ZCCHC7: variants seen among roughly 807,000 people sequenced by gnomAD.
ZCCHC7 encodes zinc finger CCHC-type containing 7, also known as zinc finger CCHC domain-containing protein 7.
Under a neutral mutation model 52.0 loss-of-function variants are expected in ZCCHC7, and 35 were observed. That is an observed-to-expected ratio of 0.67 (90% CI 0.51 to 0.89). The LOEUF (loss-of-function observed/expected upper bound fraction) is 0.89, where lower values mean the gene tolerates loss of function less well. Ranked by LOEUF, ZCCHC7 falls within the 40% of genes least tolerant of loss-of-function variation. ZCCHC7 has a pLI of 0.00. For missense variants in ZCCHC7, 574 were observed against 649.1 expected (o/e 0.88, Z 1.26); for synonymous variants, 217 against 221.5 (o/e 0.98, Z 0.18).
At chr9:37,311,425 T>G (rs903417912) in intron 5 of ZCCHC7, among the ~76,000 whole-genome samples, 12 of 152,202 alleles carry the variant, frequency 7.9e-5, no homozygotes, top group African/African-American at 2.7e-4. Context: ...TTTATTTTTA[T>G]TTTTATCTTT....
At chr9:37,136,349 A>G (rs539476942) in intron 2 of ZCCHC7, among the ~76,000 whole-genome samples, 1 of 152,344 alleles carries the variant, frequency 6.6e-6, no homozygotes, top group South Asian at 2.1e-4. Flanking sequence ...TAGTTACACG[A>G]TAGGTTCATG....
chr9:37,133,385 T>G (rs944944414), intron 2 of ZCCHC7, among the ~76,000 whole-genome samples: 2 of 146,280 alleles, frequency 1.4e-5, no homozygotes, highest in African/African-American at 5.1e-5. Flanking sequence ...TCTTTTTTTT[T>G]TTTTTTTGAG....
chr9:37,243,205 G>A (rs1257140342), intron 2 of ZCCHC7, among the ~76,000 whole-genome samples: 1 of 151,756 alleles, frequency 6.6e-6, no homozygotes, highest in Non-Finnish European at 1.5e-5. Context: ...CGATGGATAA[G>A]CCATTTGAAA....
intron 8 of ZCCHC7, among the ~76,000 whole-genome samples, chr9:37,355,529 T>TGAGGAA (rs1821644128): frequency 6.6e-6 from 1 of 152,214 alleles, no homozygotes; most frequent in African/African-American, 2.4e-5. Context: ...ATGAAGGTAC[T>TGAGGAA]AATTCTGAGG....
intron 5 of ZCCHC7, among the ~76,000 whole-genome samples, chr9:37,313,046 G>C (rs1442779938): frequency 2.6e-5 from 4 of 152,210 alleles, no homozygotes; most frequent in African/African-American, 9.6e-5. Flanking sequence ...TATCGTGATA[G>C]ATTGGTATGT....
In ZCCHC7 at chr9:37,305,520, T is replaced by G. The variant is rs577492546; in HGVS notation, c.781-24T>G. Reference sequence around the variant, plus strand: ...CTTCTACCTTTTGAGACTGAAGAGATTTTATGTTTTTTTCGCCACATAGAA... The same window carrying G: ...CTTCTACCTTTTGAGACTGAAGAGAGTTTATGTTTTTTTCGCCACATAGAA... On this transcript the variant is annotated intron_variant, in intron 4 of 8. Coordinates refer to ENST00000336755, the MANE Select transcript of ZCCHC7 (RefSeq NM_032226.3). 1.9e-6 allele frequency: 3 copies of G among 1,611,472 alleles called. No individual in the cohort carries two copies. In the South Asian group the frequency reaches 3.3e-5, roughly 18 times the overall value.
intron 5 of ZCCHC7, chr9:37,327,472 A>G (rs893138219): frequency 4.0e-6 from 1 of 251,170 alleles, no homozygotes; most frequent in African/African-American, 2.2e-5. Flanking sequence ...GGTGAGTTTT[A>G]TTGATTTTGA....
chr9:37,316,868 C>CTTTTT (rs34953424), intron 5 of ZCCHC7, among the ~76,000 whole-genome samples: 6,079 of 140,072 alleles, frequency 0.043, 458 homozygotes, highest in African/African-American at 0.15. Flanking sequence ...ACATAAGCCT[C>CTTTTT]TTTTTTTTTT....
chr9:37,133,618 T>C (rs1842882355), intron 2 of ZCCHC7, among the ~76,000 whole-genome samples: 1 of 152,232 alleles, frequency 6.6e-6, no homozygotes, highest in South Asian at 2.1e-4. Flanking sequence ...AGACGGAGTC[T>C]CGCTGTGTCA....
chr9:37,223,443 A>C (rs1183295699), intron 2 of ZCCHC7, among the ~76,000 whole-genome samples: 3 of 152,160 alleles, frequency 2.0e-5, no homozygotes, highest in Admixed American at 1.3e-4. Flanking sequence ...TTGAATAGGC[A>C]GATTAATAGG....
At position 37,357,075 on chromosome 9, in the gene ZCCHC7, A is replaced by T; in HGVS notation, c.1439A>T (p.Tyr480Phe). ...DEDFPRGPKTYSSPGSFKTQK... is the reference protein window; with the variant it reads ...DEDFPRGPKTFSSPGSFKTQK... ...GATTTTCCCAGGGGCCCCAAAACCT[A>T]CTCTTCTCCTGGCAGTTTTAAAACC... Residue 480 changes from tyrosine to phenylalanine, a missense_variant, in exon 9 of 9, where the codon TAC becomes TTC. Tyr to Phe is a conservative substitution (Grantham distance 22). Around this residue, in one of 3 missense-constraint regions of ZCCHC7, gnomAD observed 168 missense variants for 171.6 expected, o/e 0.98. Coordinates refer to ENST00000336755, the MANE Select transcript of ZCCHC7 (RefSeq NM_032226.3). 1 of 1,613,376 alleles carries T rather than the reference A, an allele frequency of 6.2e-7. No individual in the cohort carries two copies. The highest frequency in any genetic ancestry group is 8.5e-7 in the Non-Finnish European group (1 of 1,179,874).
intron 2 of ZCCHC7, among the ~76,000 whole-genome samples, chr9:37,152,905 A>G (rs1564144319): frequency 1.3e-5 from 2 of 152,294 alleles, no homozygotes; most frequent in South Asian, 4.1e-4. Context: ...TGAAATATCT[A>G]TAAAAATTAT....
intron 6 of ZCCHC7, among the ~76,000 whole-genome samples, chr9:37,339,880 T>C (rs1279536614): frequency 6.6e-6 from 1 of 152,136 alleles, no homozygotes; most frequent in Non-Finnish European, 1.5e-5. Context: ...CAAGCCCTCA[T>C]TGGATCAAAG....
intron 2 of ZCCHC7, among the ~76,000 whole-genome samples, chr9:37,155,575 T>C (rs1820773683): frequency 6.6e-6 from 1 of 152,242 alleles, no homozygotes; most frequent in South Asian, 2.1e-4. Flanking sequence ...GTCCAGTGAT[T>C]AGATATCTCA....
At chr9:37,241,861 C>T (rs1419433217) in intron 2 of ZCCHC7, among the ~76,000 whole-genome samples, 3 of 151,728 alleles carry the variant, frequency 2.0e-5, no homozygotes, top group Non-Finnish European at 4.4e-5. Context: ...TTATAACTTC[C>T]AAATTGACTG....
rs560259240 is a variant in ZCCHC7, at chr9:37,150,625, A to G, written c.610+23683A>G. Among the ~76,000 whole-genome samples the G allele has an allele frequency of 1.8e-4, 28 of 152,312 alleles. No individual in the cohort carries two copies. The South Asian group carries it at 5.6e-3, about 30-fold the overall frequency. The stretch of plus-strand genomic sequence containing the variant: ...CATCACACATTAAAATAACACCCAG[A>G]AGGCATTGCATCACATATAAATGTA... On this transcript the variant is annotated intron_variant, in intron 2 of 8. Coordinates refer to ENST00000336755, the MANE Select transcript of ZCCHC7 (RefSeq NM_032226.3).
intron 2 of ZCCHC7, among the ~76,000 whole-genome samples, chr9:37,288,407 A>G (rs1828365466): frequency 1.3e-5 from 2 of 148,690 alleles, no homozygotes; most frequent in Admixed American, 6.7e-5. Flanking sequence ...CTTGTTATCC[A>G]TCTAATATAC....
At chr9:37,202,213 C>A (rs920552708) in intron 2 of ZCCHC7, among the ~76,000 whole-genome samples, 1 of 152,190 alleles carries the variant, frequency 6.6e-6, no homozygotes, top group Non-Finnish European at 1.5e-5. Context: ...ACCTTGTCTG[C>A]TTCCACAAAA....
At chr9:37,245,427 A>G (rs1826041687) in intron 2 of ZCCHC7, among the ~76,000 whole-genome samples, 1 of 152,070 alleles carries the variant, frequency 6.6e-6, no homozygotes, top group Non-Finnish European at 1.5e-5. Flanking sequence ...TTATTAGATA[A>G]GCAAATAATT....
Sources: gnomAD v4.1 joint callset for allele counts (sites outside exome capture counted in the v4.1 genomes callset) on GRCh38, gnomAD v4.1.1 for gene constraint, gnomAD v4.1.1 regional missense constraint, MANE v1.5 for transcripts, NCBI Gene and HGNC (gene_info 2026-07-23, HGNC 2026-07-21) for gene names.